Variants in SPIDR observed in about 807,000 individuals in gnomAD.
SPIDR encodes the protein scaffold protein involved in DNA repair.
Under a neutral mutation model 104.6 loss-of-function variants are expected in SPIDR, and 93 were observed. The ratio of observed to expected loss-of-function variants is 0.89; its 90% CI spans 0.75 to 1.06. The LOEUF (loss-of-function observed/expected upper bound fraction) is 1.06. Among genes scored for constraint, SPIDR ranks in the 50% least tolerant of loss-of-function variants. The pLI, the probability that SPIDR is intolerant of heterozygous loss-of-function variation, is 0.00. For missense variants in SPIDR, 1,154 were observed against 1,111.2 expected, an observed-to-expected ratio of 1.04 and a Z score of -0.55; for synonymous variants, 431 against 416.9, an observed-to-expected ratio of 1.03 and a Z score of -0.41.
At chr8:47,499,290 T>A (rs2079951107) in intron 8 of SPIDR, among the ~76,000 whole-genome samples, 1 of 152,214 alleles carries the variant, frequency 6.6e-6, no homozygotes, top group Non-Finnish European at 1.5e-5. Context: ...ACTGTCAGAC[T>A]TTTAGAATAT....
intron 5 of SPIDR, among the ~76,000 whole-genome samples, chr8:47,320,783 C>G (rs1290206902): frequency 2.0e-5 from 3 of 152,148 alleles, no homozygotes; most frequent in African/African-American, 7.2e-5. Context: ...GGATGCAAGG[C>G]AGGTTCAACA....
At chr8:47,412,810 T>A (rs2063722545) in intron 7 of SPIDR, among the ~76,000 whole-genome samples, 1 of 152,214 alleles carries the variant, frequency 6.6e-6, no homozygotes, top group Non-Finnish European at 1.5e-5. Flanking sequence ...CACTGTTTCT[T>A]ATAATCTACT....
intron 10 of SPIDR, among the ~76,000 whole-genome samples, chr8:47,673,232 C>T (rs1461135312): frequency 2.0e-5 from 3 of 152,224 alleles, no homozygotes; most frequent in Admixed American, 1.3e-4. Context: ...CCCATCATGT[C>T]GCTGGCTGTC....
At chr8:47,282,169 A>C (rs1313402113) in intron 2 of SPIDR, among the ~76,000 whole-genome samples, 1 of 152,252 alleles carries the variant, frequency 6.6e-6, no homozygotes, top group Non-Finnish European at 1.5e-5. Flanking sequence ...TTGTTGTTAC[A>C]TTTATAGAGC....
rs1456686439 is a variant in SPIDR, at chr8:47,260,999, C to T, written c.33+8C>T. The T allele has an allele frequency of 3.3e-6, 4 of 1,228,328 alleles. No individual in the cohort carries two copies. Among genetic ancestry groups the T allele is most frequent in the Non-Finnish European group, 4.1e-6 (4 of 985,684 alleles). 76.1% of individuals were successfully genotyped at this position (1,228,328 alleles called of 1,614,324 possible). A position where few individuals can be genotyped will look rare whatever the true frequency, so the allele number is the denominator to read the frequency against. ...CGCGCTCGGGGCTCTAAGGTAGGCT[C>T]TGGGGCGGGAGTGGGCGCCGCGCCG... On this transcript the variant is annotated splice_region_variant and intron_variant, in intron 1 of 19. Transcript: ENST00000297423.
intron 11 of SPIDR, among the ~76,000 whole-genome samples, chr8:47,698,985 C>G (rs1022999043): frequency 1.3e-5 from 2 of 152,182 alleles, no homozygotes; most frequent in Non-Finnish European, 2.9e-5. Context: ...GATAAGCACT[C>G]TGTCACTGTC....
intron 10 of SPIDR, among the ~76,000 whole-genome samples, chr8:47,627,264 G>C (rs1435158582): frequency 1.3e-5 from 2 of 152,090 alleles, no homozygotes; most frequent in African/African-American, 4.8e-5. Flanking sequence ...GGGAGGGATA[G>C]CATTAGGAGA....
intron 8 of SPIDR, among the ~76,000 whole-genome samples, chr8:47,530,869 AT>A (rs1009738269): frequency 7.9e-5 from 12 of 151,860 alleles, no homozygotes; most frequent in African/African-American, 2.4e-4. Context: ...TTTCAAAAAT[AT>A]TTTTTATATC....
intron 8 of SPIDR, among the ~76,000 whole-genome samples, chr8:47,586,026 T>C (rs1226218077): frequency 2.0e-5 from 3 of 152,222 alleles, no homozygotes; most frequent in Admixed American, 1.3e-4. Flanking sequence ...CTTAGCATCA[T>C]TCTCTGGAGA....
chr8:47,550,754 C>T lies in SPIDR; in HGVS notation c.1098-45057C>T, dbSNP rs546925087. On this transcript the variant is annotated intron_variant, in intron 8 of 19. Coordinates refer to ENST00000297423, the MANE Select transcript of SPIDR (RefSeq NM_001080394.4). ...CTTCCTCATTTCCTAATTGAATACC[C>T]TTTATTTCTTTCTCTTTCCTGATTG... Among the ~76,000 whole-genome samples the T allele has an allele frequency of 2.0e-5, 3 of 152,232 alleles. No individual in the cohort carries two copies. In the East Asian group the frequency reaches 5.8e-4, roughly 29 times the overall value.
At chr8:47,578,962 A>G (rs2059425926) in intron 8 of SPIDR, among the ~76,000 whole-genome samples, 1 of 152,252 alleles carries the variant, frequency 6.6e-6, no homozygotes, top group Non-Finnish European at 1.5e-5. Flanking sequence ...AGCTGAAAAT[A>G]AAAGGAATAT....
chr8:47,719,941 T>C (rs1163627703), intron 16 of SPIDR, among the ~76,000 whole-genome samples: 1 of 152,250 alleles, frequency 6.6e-6, no homozygotes, highest in Non-Finnish European at 1.5e-5. Context: ...TATAATACCA[T>C]GTACTACCGT....
intron 7 of SPIDR, among the ~76,000 whole-genome samples, chr8:47,436,314 G>A (rs1333736709): frequency 1.3e-5 from 2 of 152,224 alleles, no homozygotes; most frequent in African/African-American, 4.8e-5. Flanking sequence ...CTGTCTTGTA[G>A]CAGTTATGGA....
intron 8 of SPIDR, among the ~76,000 whole-genome samples, chr8:47,471,402 TA>T (rs1330252706): frequency 6.7e-6 from 1 of 149,104 alleles, no homozygotes; most frequent in Non-Finnish European, 1.5e-5. Context: ...AAAGATATAC[TA>T]ATTGCCAATA....
intron 8 of SPIDR, among the ~76,000 whole-genome samples, chr8:47,580,092 T>G (rs73567581): frequency 0.027 from 4,049 of 152,288 alleles, 136 homozygotes; most frequent in African/African-American, 0.085. Flanking sequence ...AGCAAGTGAA[T>G]TAAAGCCATC....
intron 5 of SPIDR, among the ~76,000 whole-genome samples, chr8:47,323,450 G>C (rs1643182367): frequency 6.6e-6 from 1 of 152,120 alleles, no homozygotes; most frequent in South Asian, 2.1e-4. Flanking sequence ...TGATGTTTTT[G>C]CCGTAGACAT....
At chr8:47,522,801 TTTA>T (rs2084371044) in intron 8 of SPIDR, among the ~76,000 whole-genome samples, 1 of 152,158 alleles carries the variant, frequency 6.6e-6, no homozygotes, top group Admixed American at 6.5e-5. Context: ...TTGGATAGGT[TTTA>T]TTTTTTCATT....
chr8:47,570,089 C>G (rs1025934479), intron 8 of SPIDR, among the ~76,000 whole-genome samples: 2 of 152,104 alleles, frequency 1.3e-5, no homozygotes, highest in African/African-American at 4.8e-5. Context: ...CATGGGAATT[C>G]ATATGTAAAC....
intron 10 of SPIDR, among the ~76,000 whole-genome samples, chr8:47,666,708 A>C (rs1281738375): frequency 6.6e-6 from 1 of 152,186 alleles, no homozygotes; most frequent in Non-Finnish European, 1.5e-5. Flanking sequence ...TCTAACCCAC[A>C]TACACTATGA....
Sources: gnomAD v4.1 joint callset for allele counts (sites outside exome capture counted in the v4.1 genomes callset) on GRCh38, gnomAD v4.1.1 for gene constraint, MANE v1.5 for transcripts, NCBI Gene and HGNC (gene_info 2026-07-23, HGNC 2026-07-21) for gene names.